Variants in CACUL1 observed in about 807,000 individuals in gnomAD.
The protein encoded by CACUL1 is CDK2 associated cullin domain 1, also known as CDK2-associated and cullin domain-containing protein 1.
A neutral mutation model predicts 45.2 loss-of-function variants in CACUL1; 13 were observed. The observed-to-expected ratio is 0.29, with a 90% CI of 0.19 to 0.46. The LOEUF (loss-of-function observed/expected upper bound fraction) is 0.46, where lower values mean the gene tolerates loss of function less well. Ranked by LOEUF, CACUL1 falls within the 20% of genes least tolerant of loss-of-function variation. CACUL1 has a pLI of 1.00. For missense variants in CACUL1, 421 were observed against 471.4 expected, an observed-to-expected ratio of 0.89 and a Z score of 0.99; for synonymous variants, 197 against 174.2, an observed-to-expected ratio of 1.13 and a Z score of -1.03.
intron 1 of CACUL1, among the ~76,000 whole-genome samples, chr10:118,738,356 G>T (rs142812389): frequency 6.6e-6 from 1 of 152,330 alleles, no homozygotes; most frequent in Non-Finnish European, 1.5e-5. Context: ...GGAGTGAGAA[G>T]CACAGAACTG....
chr10:118,719,884 G>C (rs1278822204), intron 3 of CACUL1, among the ~76,000 whole-genome samples: 2 of 151,888 alleles, frequency 1.3e-5, no homozygotes, highest in Non-Finnish European at 2.9e-5. Context: ...TTGCTATGCA[G>C]ATATTATTTC....
At chr10:118,696,841 A>G (rs1845328232) in intron 5 of CACUL1, among the ~76,000 whole-genome samples, 1 of 152,188 alleles carries the variant, frequency 6.6e-6, no homozygotes, top group South Asian at 2.1e-4. Flanking sequence ...CTATTAATCC[A>G]TCTTCCTAAC....
intron 8 of CACUL1, 56 bp downstream of exon 8, chr10:118,686,524 TGTTATCACAGTGCATTAA>T: frequency 8.8e-7 from 1 of 1,131,458 alleles, no homozygotes; most frequent in South Asian, 1.2e-5. Context: ...TTCAATGCAC[TGTTATCACAGTGCATTAA>T]TATGGCTGCT....
chr10:118,694,163 C>G (rs1015355565), intron 6 of CACUL1, among the ~76,000 whole-genome samples: 17 of 152,294 alleles, frequency 1.1e-4, no homozygotes, highest in African/African-American at 4.1e-4. Context: ...CCACACCCAG[C>G]CTAAGAAGGT....
intron 4 of CACUL1, among the ~76,000 whole-genome samples, chr10:118,705,226 C>T (rs1845422338): frequency 6.6e-6 from 1 of 152,128 alleles, no homozygotes; most frequent in African/African-American, 2.4e-5. Flanking sequence ...AAGCTATTTT[C>T]ACAACTGAAA....
chr10:118,744,241 C>T (rs1845819837), intron 1 of CACUL1, among the ~76,000 whole-genome samples: 1 of 152,108 alleles, frequency 6.6e-6, no homozygotes, highest in South Asian at 2.1e-4. Flanking sequence ...ACGAAGTTAG[C>T]CGGGCATGGT....
At chr10:118,692,593 G>A (rs183956388) in intron 6 of CACUL1, 5 of 152,280 alleles carry the variant, frequency 3.3e-5, no homozygotes, top group Non-Finnish European at 7.4e-5. Context: ...TTCCTTGGTG[G>A]TGGTCCTCAA....
chr10:118,750,303 C>T (rs775848784), intron 1 of CACUL1, among the ~76,000 whole-genome samples: 3 of 150,826 alleles, frequency 2.0e-5, no homozygotes, highest in East Asian at 1.9e-4. Flanking sequence ...TCCAGCCTGG[C>T]GACAGAGCGA....
At chr10:118,712,555 G>C (rs1342239914) in intron 3 of CACUL1, among the ~76,000 whole-genome samples, 1 of 152,270 alleles carries the variant, frequency 6.6e-6, no homozygotes, top group Non-Finnish European at 1.5e-5. Flanking sequence ...ACGCAGACAA[G>C]TGGAGGAGCA....
At chr10:118,711,913 G>GAA (rs78750479) in intron 3 of CACUL1, among the ~76,000 whole-genome samples, 2 of 151,816 alleles carry the variant, frequency 1.3e-5, no homozygotes, top group African/African-American at 2.4e-5. Context: ...TGTCATTTAA[G>GAA]AAAAAAAACC....
At chr10:118,697,531 T>C (rs887250635) in intron 5 of CACUL1, among the ~76,000 whole-genome samples, 1 of 152,256 alleles carries the variant, frequency 6.6e-6, no homozygotes, top group African/African-American at 2.4e-5. Flanking sequence ...GATACCTGAA[T>C]TGGGACCAGA....
intron 4 of CACUL1, among the ~76,000 whole-genome samples, chr10:118,705,761 CA>C (rs1845427016): frequency 6.6e-6 from 1 of 152,112 alleles, no homozygotes; most frequent in Admixed American, 6.5e-5. Flanking sequence ...TCTGTGATAT[CA>C]AAAGAAACTT....
intron 3 of CACUL1, among the ~76,000 whole-genome samples, chr10:118,726,926 C>T (rs1267813164): frequency 6.6e-6 from 1 of 152,122 alleles, no homozygotes; most frequent in Non-Finnish European, 1.5e-5. Flanking sequence ...TTAAACCACT[C>T]CCCGCTGCTA....
chr10:118,696,348 TA>T (rs1350344979), intron 5 of CACUL1, among the ~76,000 whole-genome samples: 4 of 152,122 alleles, frequency 2.6e-5, no homozygotes, highest in African/African-American at 9.7e-5. Flanking sequence ...AAACTCGTTT[TA>T]AGAAAATTTA....
At chr10:118,706,061 C>T (rs968250311) in intron 4 of CACUL1, among the ~76,000 whole-genome samples, 3 of 152,216 alleles carry the variant, frequency 2.0e-5, no homozygotes, top group Non-Finnish European at 4.4e-5. Flanking sequence ...ACCCCAGGAT[C>T]CTACCATAAG....
At chr10:118,747,465 T>C (rs1845854819) in intron 1 of CACUL1, among the ~76,000 whole-genome samples, 1 of 146,324 alleles carries the variant, frequency 6.8e-6, no homozygotes, top group Non-Finnish European at 1.5e-5. Flanking sequence ...GTTGTGTTCA[T>C]GACAGCCAAA....
chr10:118,738,178 G>T (rs1845756901), intron 1 of CACUL1, among the ~76,000 whole-genome samples: 1 of 152,214 alleles, frequency 6.6e-6, no homozygotes, highest in African/African-American at 2.4e-5. Context: ...ATCAGGACTT[G>T]AGGACATAAT....
intron 1 of CACUL1, among the ~76,000 whole-genome samples, chr10:118,749,302 G>C (rs530898794): frequency 2.5e-4 from 38 of 152,322 alleles, no homozygotes; most frequent in African/African-American, 9.1e-4. Flanking sequence ...AGAGGCAGCA[G>C]GGCCAGAGTG....
chr10:118,742,197 G>A (rs1445298573), intron 1 of CACUL1, among the ~76,000 whole-genome samples: 1 of 152,130 alleles, frequency 6.6e-6, no homozygotes, highest in Non-Finnish European at 1.5e-5. Context: ...CAGCATACCT[G>A]CAACTACATA....
Sources: gnomAD v4.1 joint callset for allele counts (sites outside exome capture counted in the v4.1 genomes callset) on GRCh38, gnomAD v4.1.1 for gene constraint, MANE v1.5 for transcripts, NCBI Gene and HGNC (gene_info 2026-07-23, HGNC 2026-07-21) for gene names.